TGFBRAP1: variants seen among roughly 807,000 people sequenced by gnomAD.
TGFBRAP1 encodes transforming growth factor-beta receptor-associated protein 1.
A neutral mutation model predicts 83.2 loss-of-function variants in TGFBRAP1; 20 were observed. The observed-to-expected ratio is 0.24, with a 90% CI of 0.17 to 0.35. The LOEUF is 0.35. TGFBRAP1 is among the 10% of genes least tolerant of loss of function. TGFBRAP1 has a pLI of 1.00. For missense variants in TGFBRAP1, 950 were observed against 1,099.4 expected (o/e 0.86, Z 1.92); for synonymous variants, 415 against 459.8 (o/e 0.90, Z 1.25).
Position 105,269,780 on chromosome 2 carries a change from C to T in TGFBRAP1, c.1973-75G>A. ...CGCCCAGCGACTGGCCTCCTTGCTG[C>T]TCTGGGCTTCAGGAGGGGAAAAGTC... On this transcript the variant is annotated intron_variant, in intron 10 of 11. Coordinates refer to ENST00000393359, the MANE Select transcript of TGFBRAP1 (RefSeq NM_004257.6). The surrounding 1 kb of genome is among the most constrained non-coding windows in gnomAD (Gnocchi z 4.1). 5.7e-6 allele frequency: 8 copies of T among 1,411,624 alleles called. No homozygotes were observed. Among genetic ancestry groups the T allele is most frequent in the Non-Finnish European group, 7.4e-6 (8 of 1,080,656 alleles). 87.4% of individuals were successfully genotyped at this position (1,411,624 alleles called of 1,614,324 possible).
At chr2:105,324,777 G>C (rs1465399352) in intron 1 of TGFBRAP1, among the ~76,000 whole-genome samples, 1 of 152,094 alleles carries the variant, frequency 6.6e-6, no homozygotes, top group African/African-American at 2.4e-5. Context: ...AGTTAAGTGG[G>C]GGACTCTGAG....
At chr2:105,300,671 A>G (rs1447210667) in intron 2 of TGFBRAP1, among the ~76,000 whole-genome samples, 4 of 152,052 alleles carry the variant, frequency 2.6e-5, no homozygotes, top group Non-Finnish European at 4.4e-5. Context: ...TCCTGACCTC[A>G]GGTGATCTGC....
At chr2:105,281,700 C>T (rs1241267453) in intron 5 of TGFBRAP1, among the ~76,000 whole-genome samples, 2 of 152,218 alleles carry the variant, frequency 1.3e-5, no homozygotes, top group African/African-American at 4.8e-5. Flanking sequence ...TCAAGCATCC[C>T]TCCCACACCC....
chr2:105,279,686 A>C (rs1384219012), intron 6 of TGFBRAP1, among the ~76,000 whole-genome samples: 2 of 148,874 alleles, frequency 1.3e-5, no homozygotes, highest in East Asian at 3.9e-4. Context: ...AAATTTTACC[A>C]ATAAACATGT....
intron 1 of TGFBRAP1, among the ~76,000 whole-genome samples, chr2:105,316,474 C>T (rs935839002): frequency 4.5e-4 from 32 of 70,496 alleles, no homozygotes; most frequent in South Asian, 1.3e-3. Context: ...CGCGCGCGCG[C>T]GCGCGCACGC....
At chr2:105,283,202 G>C (rs1677602729) in intron 5 of TGFBRAP1, among the ~76,000 whole-genome samples, 1 of 152,216 alleles carries the variant, frequency 6.6e-6, no homozygotes, top group African/African-American at 2.4e-5. Context: ...AGAACAGCAT[G>C]TAAGAGTTGT....
intron 4 of TGFBRAP1, among the ~76,000 whole-genome samples, chr2:105,292,178 G>C (rs191560044): frequency 3.7e-4 from 56 of 152,276 alleles, no homozygotes; most frequent in Non-Finnish European, 6.8e-4. Context: ...AAATTCAATG[G>C]TGAGCATTCC....
the TGFBRAP1 span, among the ~76,000 whole-genome samples, chr2:105,253,777 T>C: frequency 3.3e-5 from 5 of 152,206 alleles, no homozygotes; most frequent in African/African-American, 1.2e-4. Context: ...TTTAAAATTA[T>C]AAAAGTAACG....
In TGFBRAP1 at chr2:105,280,580, G is replaced by T; in HGVS notation, c.1265C>A (p.Ala422Asp). Residue 422 changes from alanine to aspartate, a missense_variant, in exon 6 of 12, where the codon GCC becomes GAC. Physicochemically the swap from Ala to Asp is moderately radical, Grantham distance 126 (BLOSUM62 -2). Transcript: ENST00000393359. ...GCTCATGAGGAAGCGTTTGCACTTGGCCATCTTCTCCTGGTCCCCCTGGGT... is the reference window on the plus strand; with the variant it reads ...GCTCATGAGGAAGCGTTTGCACTTGTCCATCTTCTCCTGGTCCCCCTGGGT... ...QLTQGDQEKM[A>D]KCKRFLMSYL... 6.2e-7 allele frequency: 1 copy of T among 1,614,126 alleles called. No homozygotes were observed. Among genetic ancestry groups the T allele is most frequent in the Non-Finnish European group, 8.5e-7 (1 of 1,180,014 alleles).
chr2:105,277,509 AG>A, intron 7 of TGFBRAP1, 104 bp downstream of exon 7: 1 of 750,070 alleles, frequency 1.3e-6, no homozygotes, highest in East Asian at 3.1e-5. Context: ...GGTGTAGATC[AG>A]GCAAAAGTGG....
intron 6 of TGFBRAP1, 132 bp from the exon 7 acceptor site, chr2:105,277,803 C>A: frequency 1.1e-6 from 1 of 910,136 alleles, no homozygotes; most frequent in Non-Finnish European, 1.8e-6. Context: ...CCTGTAATCC[C>A]AACACTTTGG....
At chr2:105,282,661 C>T (rs1451164297) in intron 5 of TGFBRAP1, among the ~76,000 whole-genome samples, 5 of 151,876 alleles carry the variant, frequency 3.3e-5, no homozygotes, top group Admixed American at 6.6e-5. Context: ...CCCATCTCTA[C>T]AAAAAATAAA....
the TGFBRAP1 span, among the ~76,000 whole-genome samples, chr2:105,256,163 CA>C: frequency 6.6e-6 from 1 of 152,138 alleles, no homozygotes; most frequent in Non-Finnish European, 1.5e-5. Context: ...GGCAGAATAC[CA>C]GAAGGAAATG....
chr2:105,327,618 T>C (rs1261300097), intron 1 of TGFBRAP1, among the ~76,000 whole-genome samples: 1 of 152,018 alleles, frequency 6.6e-6, no homozygotes, highest in Non-Finnish European at 1.5e-5. Flanking sequence ...AAAGAAAATA[T>C]AGCATTTTTA....
intron 4 of TGFBRAP1, 142 bp downstream of exon 4, chr2:105,296,214 T>A: frequency 9.5e-7 from 1 of 1,056,568 alleles, no homozygotes; most frequent in Non-Finnish European, 1.4e-6. Flanking sequence ...ACAATATGTA[T>A]TTGTTGAGAA....
At chr2:105,290,410 A>G (rs796956447) in intron 4 of TGFBRAP1, among the ~76,000 whole-genome samples, 2 of 152,238 alleles carry the variant, frequency 1.3e-5, no homozygotes, top group African/African-American at 2.4e-5. Flanking sequence ...TCATTTTTCT[A>G]TTGGGCTATT....
the TGFBRAP1 span, among the ~76,000 whole-genome samples, chr2:105,255,549 G>T: frequency 2.8e-5 from 4 of 144,776 alleles, no homozygotes; most frequent in South Asian, 4.9e-4. Context: ...TCGAACTCCT[G>T]GCCTCAAGCG....
rs1324987834 is a variant in TGFBRAP1, at chr2:105,279,776, C to T, written c.1463+606G>A. Among the ~76,000 whole-genome samples the T allele has an allele frequency of 1.3e-5, 2 of 152,126 alleles. 1 individual carries two copies. The highest frequency in any genetic ancestry group is 4.2e-4 in the South Asian group (2 of 4,804). ...TTCATGGCTGGGCGCAGTGGCTCAC[C>T]CCTGTAATCCCAGCACTTTGGGAGG... is the stretch of plus-strand genomic sequence containing the variant. On this transcript the variant is annotated intron_variant, in intron 6 of 11. Coordinates refer to ENST00000393359, the MANE Select transcript of TGFBRAP1 (RefSeq NM_004257.6).
At chr2:105,322,243 TACA>T (rs75552819) in intron 1 of TGFBRAP1, among the ~76,000 whole-genome samples, 13,884 of 152,270 alleles carry the variant, frequency 0.091, 791 homozygotes, top group Non-Finnish European at 0.13. Context: ...TGTACAGCTA[TACA>T]ACATGTTTTC....
Sources: gnomAD v4.1 joint callset for allele counts (sites outside exome capture counted in the v4.1 genomes callset) on GRCh38, gnomAD v4.1.1 for gene constraint, Gnocchi (gnomAD v3.1) non-coding constraint, MANE v1.5 for transcripts, NCBI Gene and HGNC (gene_info 2026-07-23, HGNC 2026-07-21) for gene names.